The following RBM26 variants were observed in gnomAD, a reference collection of about 807,000 sequenced individuals.
RBM26 encodes the protein RNA binding motif protein 26, also known as RNA-binding protein 26.
Under a neutral mutation model 123.6 loss-of-function variants are expected in RBM26, and 30 were observed. The observed-to-expected ratio is 0.24, with a 90% CI of 0.18 to 0.33. The LOEUF (loss-of-function observed/expected upper bound fraction) is 0.33. Ranked by LOEUF, RBM26 falls within the 10% of genes least tolerant of loss-of-function variation. The probability of loss-of-function intolerance (pLI) is 1.00; values close to 1 mark genes in which losing one functional copy is unlikely to be tolerated. For synonymous variants in RBM26, 400 were observed against 404.4 expected (o/e 0.99, Z 0.13); for missense variants, 947 against 1,203.6 (o/e 0.79, Z 3.15).
At chr13:79,326,385 CT>C (rs1481499151) in intron 20 of RBM26, among the ~76,000 whole-genome samples, 1 of 152,074 alleles carries the variant, frequency 6.6e-6, no homozygotes, top group East Asian at 1.9e-4. Flanking sequence ...TTTAAATGTG[CT>C]CTACAGGATG....
chr13:79,340,025 C>T (rs1298626559), intron 18 of RBM26, among the ~76,000 whole-genome samples: 1 of 151,990 alleles, frequency 6.6e-6, no homozygotes, highest in Non-Finnish European at 1.5e-5. Flanking sequence ...TTTGTTAATG[C>T]TATTATTTAT....
intron 17 of RBM26, 74 bp from the exon 18 acceptor site, chr13:79,341,301 C>G: frequency 1.1e-6 from 1 of 914,622 alleles, no homozygotes; most frequent in Non-Finnish European, 1.7e-6. Flanking sequence ...TTTAAAGTAA[C>G]TTTTACGCAG....
intron 1 of RBM26, among the ~76,000 whole-genome samples, chr13:79,401,889 G>A (rs1225492503): frequency 6.6e-6 from 1 of 152,046 alleles, no homozygotes; most frequent in Non-Finnish European, 1.5e-5. Flanking sequence ...CTACACAGTG[G>A]CAGAAGCACA....
rs1216383174 is a variant in RBM26, at chr13:79,319,592, A to G, written c.*1029T>C. 1.0e-6 allele frequency: 1 copy of G among 983,438 alleles called. No homozygotes were observed. The highest frequency in any genetic ancestry group is 1.8e-5 in the African/African-American group (1 of 57,122). The allele number at this position is 983,438 out of a possible 1,614,324, so 60.9% of individuals were successfully genotyped here. The stretch of plus-strand genomic sequence containing the variant: ...TACATTTCTTTATTCATATATCTTC[A>G]AATGGTCAAGTTTTCTTTCATACAT... On this transcript the variant is annotated 3_prime_UTR_variant, in exon 22 of 22. Transcript: ENST00000438737.
intron 1 of RBM26, chr13:79,389,433 G>A (rs368498498): frequency 5.3e-5 from 8 of 152,052 alleles, no homozygotes; most frequent in South Asian, 2.1e-4. Flanking sequence ...TACTAGTTGC[G>A]TTGTTAAAGA....
At chr13:79,328,476 GA>G (rs1266069348) in intron 20 of RBM26, among the ~76,000 whole-genome samples, 17 of 138,552 alleles carry the variant, frequency 1.2e-4, no homozygotes, top group South Asian at 4.5e-4. Flanking sequence ...AGTCTTCAAA[GA>G]AAAAAAAAAG....
chr13:79,319,006 G>A lies in RBM26; in HGVS notation c.*1615C>T. 1 of 981,288 alleles carries A rather than the reference G, an allele frequency of 1.0e-6. No homozygotes were observed. The highest frequency in any genetic ancestry group is 1.2e-6 in the Non-Finnish European group (1 of 826,394). The allele number at this position is 981,288 out of a possible 1,614,324, so 60.8% of individuals were successfully genotyped here. On this transcript the variant is annotated 3_prime_UTR_variant, in exon 22 of 22. Coordinates refer to ENST00000438737, the MANE Select transcript of RBM26 (RefSeq NM_001366735.2). Reference sequence around the variant, plus strand: ...TAAAAATAGTGACTTTTTGAGCAAAGTCACTATTTTGACAACTGAAATCTG... The same window carrying A: ...TAAAAATAGTGACTTTTTGAGCAAAATCACTATTTTGACAACTGAAATCTG...
intron 2 of RBM26, among the ~76,000 whole-genome samples, chr13:79,378,582 G>A (rs2076835215): frequency 3.9e-5 from 6 of 152,194 alleles, no homozygotes; most frequent in African/African-American, 1.4e-4. Context: ...CGGGATTACA[G>A]GCACCCACCA....
chr13:79,337,908 G>A (rs2070718064), intron 18 of RBM26, among the ~76,000 whole-genome samples: 1 of 152,120 alleles, frequency 6.6e-6, no homozygotes, highest in Non-Finnish European at 1.5e-5. Flanking sequence ...AGTCGTAAGT[G>A]TAAAGAAGCA....
intron 9 of RBM26, among the ~76,000 whole-genome samples, chr13:79,360,095 C>A (rs1284318365): frequency 6.6e-6 from 1 of 151,934 alleles, no homozygotes; most frequent in African/African-American, 2.4e-5. Context: ...AAGACAGGGA[C>A]CATTCACATA....
At chr13:79,380,449 T>C (rs1342165562) in intron 1 of RBM26, among the ~76,000 whole-genome samples, 5 of 151,506 alleles carry the variant, frequency 3.3e-5, no homozygotes, top group Admixed American at 6.6e-5. Context: ...GACAGGATGA[T>C]AGTATGAACT....
intron 1 of RBM26, among the ~76,000 whole-genome samples, chr13:79,387,638 C>A (rs904317995): frequency 6.6e-6 from 1 of 151,738 alleles, no homozygotes; most frequent in East Asian, 1.9e-4. Flanking sequence ...TTGGCTTTCA[C>A]CACCTTGCGC....
At position 79,319,232 on chromosome 13, in the gene RBM26, G is replaced by A. The variant is rs2067420665; in HGVS notation, c.*1389C>T. ...TGGAACAACAGCTTTTGATTGTGAG[G>A]ACCCCAATATGGAAGAAAGTAATTT... On this transcript the variant is annotated 3_prime_UTR_variant, in exon 22 of 22. Coordinates refer to ENST00000438737, the MANE Select transcript of RBM26 (RefSeq NM_001366735.2). 2.0e-6 allele frequency: 2 copies of A among 983,862 alleles called. No homozygotes were observed. The highest frequency in any genetic ancestry group is 1.8e-5 in the African/African-American group (1 of 57,096). The allele number at this position is 983,862 out of a possible 1,614,324, so 60.9% of individuals were successfully genotyped here. A position where few individuals can be genotyped will look rare whatever the true frequency, so the allele number is the denominator to read the frequency against.
At chr13:79,361,264 A>G (rs1485762299) in intron 9 of RBM26, among the ~76,000 whole-genome samples, 2 of 152,124 alleles carry the variant, frequency 1.3e-5, no homozygotes, top group African/African-American at 4.8e-5. Context: ...GACTCAAATC[A>G]ACGCTCTAGA....
intron 1 of RBM26, among the ~76,000 whole-genome samples, chr13:79,393,960 G>A (rs1264809953): frequency 6.6e-6 from 1 of 152,066 alleles, no homozygotes; most frequent in Admixed American, 6.5e-5. Flanking sequence ...TTCACCTTGG[G>A]GGCAAGTCTG....
chr13:79,318,995 TTTTGAGCAAA>T lies in RBM26; in HGVS notation c.*1616_*1625del. The T allele has an allele frequency of 1.0e-6, 1 of 979,516 alleles. No homozygotes were observed. The highest frequency in any genetic ancestry group is 1.2e-6 in the Non-Finnish European group (1 of 824,748). The allele number at this position is 979,516 out of a possible 1,614,324, so 60.7% of individuals were successfully genotyped here. On this transcript the variant is annotated 3_prime_UTR_variant, in exon 22 of 22. Transcript: ENST00000438737. ...AAATATATAAGTAAAAATAGTGACT[TTTTGAGCAAA>T]GTCACTATTTTGACAACTGAAATCT...
chr13:79,392,396 C>T (rs997190454), intron 1 of RBM26, among the ~76,000 whole-genome samples: 1 of 143,650 alleles, frequency 7.0e-6, no homozygotes, highest in Non-Finnish European at 1.5e-5. Flanking sequence ...AGCTTACTTT[C>T]TTAAATTATT....
At chr13:79,397,504 T>C (rs185048444) in intron 1 of RBM26, among the ~76,000 whole-genome samples, 5 of 150,046 alleles carry the variant, frequency 3.3e-5, no homozygotes, top group Non-Finnish European at 1.5e-5. Context: ...TGAAACCCTG[T>C]CGTCTCTACT....
chr13:79,351,733 T>C (rs774611893), intron 14 of RBM26, among the ~76,000 whole-genome samples: 17 of 152,034 alleles, frequency 1.1e-4, no homozygotes, highest in Non-Finnish European at 1.9e-4. Context: ...GCAGAAGTAA[T>C]AGAACCAGAA....
Sources: allele counts gnomAD v4.1 joint callset (sites outside exome capture counted in the v4.1 genomes callset), GRCh38; gene constraint gnomAD v4.1.1; transcripts MANE v1.5; gene names NCBI Gene and HGNC (gene_info 2026-07-23, HGNC 2026-07-21).